The following SLC16A4 variants were observed in gnomAD, a reference collection of about 807,000 sequenced individuals.
SLC16A4 encodes the protein solute carrier family 16 member 4.
A neutral mutation model predicts 47.9 loss-of-function variants in SLC16A4; 39 were observed. The observed-to-expected ratio is 0.81, with a 90% CI of 0.63 to 1.06. SLC16A4 has a LOEUF of 1.06. Among genes scored for constraint, SLC16A4 ranks in the 50% least tolerant of loss-of-function variants. SLC16A4 has a pLI of 0.00. For synonymous variants in SLC16A4, 189 were observed against 199.9 expected (o/e 0.95, Z 0.46); for missense variants, 524 against 573.8 (o/e 0.91, Z 0.89).
intron 1 of SLC16A4, among the ~76,000 whole-genome samples, chr1:110,389,638 A>G (rs1216562629): frequency 6.6e-6 from 1 of 152,242 alleles, no homozygotes; most frequent in African/African-American, 2.4e-5. Context: ...TAGCAAAGAC[A>G]TGGAATCAAC....
rs1235129404 is a variant in SLC16A4 at position 110,389,122 on chromosome 1, C to T, written c.87+115G>A. The T allele has an allele frequency of 3.2e-6, 3 of 929,804 alleles. No individual in the cohort carries two copies. In the African/African-American group the frequency reaches 4.9e-5, roughly 15 times the overall value. The allele number at this position is 929,804 out of a possible 1,614,324, so 57.6% of individuals were successfully genotyped here. A position where few individuals can be genotyped will look rare whatever the true frequency, so the allele number is the denominator to read the frequency against. On this transcript the variant is annotated intron_variant, in intron 2 of 8. Coordinates refer to ENST00000369779, the MANE Select transcript of SLC16A4 (RefSeq NM_004696.3). ...CTCCTGGCCTTGTTCCTGCCCACCC[C>T]TCCACTCAGATGCCAAAGATTTCCT...
At position 110,390,672 on chromosome 1, in the gene SLC16A4, G is replaced by A. The variant is rs532233657; in HGVS notation, c.-33+193C>T. Among the ~76,000 whole-genome samples, 3 of 152,344 alleles carry A rather than the reference G, an allele frequency of 2.0e-5. No homozygotes were observed. In the South Asian group the frequency reaches 6.2e-4, roughly 32 times the overall value. On this transcript the variant is annotated intron_variant, in intron 1 of 8. Transcript: ENST00000369779. ...TAAAGAATGATAGCAAAAAGAAAAT[G>A]TAAATGTTCTGAGGAAGGGGGAACA...
intron 8 of SLC16A4, among the ~76,000 whole-genome samples, chr1:110,374,128 C>G (rs1661844467): frequency 6.6e-6 from 1 of 150,764 alleles, no homozygotes; most frequent in Non-Finnish European, 1.5e-5. Context: ...CAACCTCTGT[C>G]CCCCGGGTTC....
At chr1:110,387,313 A>G (rs545179384) in intron 2 of SLC16A4, among the ~76,000 whole-genome samples, 1 of 152,348 alleles carries the variant, frequency 6.6e-6, no homozygotes, top group East Asian at 1.9e-4. Context: ...ATACAAATAT[A>G]TAAAGTGTGG....
chr1:110,369,821 G>C (rs1181124451), intron 8 of SLC16A4, among the ~76,000 whole-genome samples: 1 of 152,154 alleles, frequency 6.6e-6, no homozygotes, highest in Non-Finnish European at 1.5e-5. Flanking sequence ...CTTTTACTTT[G>C]GGTGTATTGT....
At chr1:110,386,039 C>T (rs1035093270) in intron 2 of SLC16A4, among the ~76,000 whole-genome samples, 2 of 152,138 alleles carry the variant, frequency 1.3e-5, no homozygotes, top group South Asian at 4.1e-4. Flanking sequence ...GTTCTATGGA[C>T]GTGGGTTCTG....
intron 3 of SLC16A4, among the ~76,000 whole-genome samples, chr1:110,382,142 C>T (rs2101053028): frequency 6.6e-6 from 1 of 152,236 alleles, no homozygotes; most frequent in East Asian, 1.9e-4. Flanking sequence ...GTTACAGCTC[C>T]AAATAAAAGG....
rs899737701 is a variant in SLC16A4 at position 110,379,864 on chromosome 1, C to T, written c.527-508G>A. On this transcript the variant is annotated intron_variant, in intron 5 of 8. Coordinates refer to ENST00000369779, the MANE Select transcript of SLC16A4 (RefSeq NM_004696.3). ...TTGAGCCCAGGAGTTCAGGACCAGCCTGGGCAACATGGTGAAAACCTGTCT... is the reference window on the plus strand; with the variant it reads ...TTGAGCCCAGGAGTTCAGGACCAGCTTGGGCAACATGGTGAAAACCTGTCT... 3.0e-4 allele frequency: 45 copies of T among 152,536 alleles called. 1 individual carries two copies. The highest frequency in any genetic ancestry group is 5.7e-4 in the Non-Finnish European group (39 of 68,598). 9.4% of individuals were successfully genotyped at this position (152,536 alleles called of 1,614,324 possible).
rs1392267848 is a variant in SLC16A4 at position 110,389,327 on chromosome 1, GCCTCTT to G, written c.-10_-5del. 1 of 1,602,890 alleles carries G rather than the reference GCCTCTT, an allele frequency of 6.2e-7. No individual in the cohort carries two copies. Among genetic ancestry groups the G allele is most frequent in the African/African-American group, 1.3e-5 (1 of 74,720 alleles). On this transcript the variant is annotated 5_prime_UTR_variant, in exon 2 of 9. Coordinates refer to ENST00000369779, the MANE Select transcript of SLC16A4 (RefSeq NM_004696.3). ...CCTTCCCCTCCCTCTTCAGCATGAT[GCCTCTT>G]CTATTTTAAATGCAGAAGATCCCTG...
At chr1:110,375,599 A>G (rs936128989) in intron 7 of SLC16A4, 48 bp from the exon 8 acceptor site, 17 of 998,280 alleles carry the variant, frequency 1.7e-5, no homozygotes, top group East Asian at 4.8e-5. Context: ...GTGAAATTCT[A>G]TAGAGACCTA....
chr1:110,379,114 T>G lies in SLC16A4; in HGVS notation c.769A>C (p.Asn257His). The G allele has an allele frequency of 6.2e-7, 1 of 1,614,254 alleles. No homozygotes were observed. Among genetic ancestry groups the G allele is most frequent in the Non-Finnish European group, 8.5e-7 (1 of 1,180,038 alleles). The part of the protein sequence containing the change: ...LPSKNLTVSQ[N>H]QSEEFYNGPN... ...CCATTGTAGAACTCTTCACTTTGAT[T>G]TTGTGAGACTGTTAAATTTTTGCTA... Residue 257 changes from asparagine (N) to histidine (H), a missense_variant, in exon 6 of 9, where the codon AAT becomes CAT. Physicochemically the swap from Asn to His is moderately conservative, Grantham distance 68. Transcript: ENST00000369779.
chr1:110,381,561 T>C, intron 4 of SLC16A4, 91 bp downstream of exon 4: 1 of 1,306,072 alleles, frequency 7.7e-7, no homozygotes, highest in Non-Finnish European at 1.1e-6. Context: ...ACTCAAGCGA[T>C]CCACCCACTT....
chr1:110,386,440 G>T (rs1662738971), intron 2 of SLC16A4, among the ~76,000 whole-genome samples: 1 of 152,164 alleles, frequency 6.6e-6, no homozygotes, highest in African/African-American at 2.4e-5. Flanking sequence ...TGTTACCAGA[G>T]TCCACGTCAT....
intron 8 of SLC16A4, among the ~76,000 whole-genome samples, chr1:110,365,065 T>G (rs1661306831): frequency 6.6e-6 from 1 of 152,122 alleles, no homozygotes; most frequent in South Asian, 2.1e-4. Flanking sequence ...TCTGGGGGTC[T>G]GTTGACCTCA....
chr1:110,384,892 A>T (rs959112836), intron 2 of SLC16A4, among the ~76,000 whole-genome samples: 2 of 152,204 alleles, frequency 1.3e-5, no homozygotes, highest in African/African-American at 4.8e-5. Context: ...TAACACCTGT[A>T]GTCCCAGCTA....
At chr1:110,386,879 A>G (rs576213672) in intron 2 of SLC16A4, among the ~76,000 whole-genome samples, 4 of 152,218 alleles carry the variant, frequency 2.6e-5, no homozygotes, top group Non-Finnish European at 5.9e-5. Flanking sequence ...GCTCCACTGT[A>G]CTAGCTCTTA....
rs1210895574 is a variant in SLC16A4, at chr1:110,382,954, C to A, written c.100G>T (p.Val34Leu). The change falls in exon 3 of 9, where the codon GTG becomes TTG. Residue 34 changes from valine (V) to leucine (L), a missense_variant. Physicochemically the swap from Val to Leu is conservative, Grantham distance 32 (BLOSUM62 1). Transcript: ENST00000369779. ...VIHFFLVNVF[V>L]MGMTKTFAIF... ...GCAAAAGTCTTGGTCATCCCCATCA[C>A]AAACACATTCACCTAAATCAAAGCA... 6.2e-7 allele frequency: 1 copy of A among 1,609,090 alleles called. No homozygotes were observed. Among genetic ancestry groups the A allele is most frequent in the South Asian group, 1.1e-5 (1 of 90,566 alleles).
intron 4 of SLC16A4, 140 bp from the exon 5 acceptor site, chr1:110,381,283 CTT>C (rs1408509721): frequency 1.5e-6 from 1 of 667,104 alleles, no homozygotes; most frequent in Non-Finnish European, 2.6e-6. Flanking sequence ...CCTGTTCCAT[CTT>C]CTATCTTCTA....
At position 110,367,978 on chromosome 1, in the gene SLC16A4, G is replaced by A. The variant is rs547961629; in HGVS notation, c.1337-4085C>T. Among the ~76,000 whole-genome samples the A allele has an allele frequency of 3.9e-5, 6 of 152,062 alleles. No individual in the cohort carries two copies. The East Asian group carries it at 9.7e-4, about 25-fold the overall frequency. On this transcript the variant is annotated intron_variant, in intron 8 of 8. Coordinates refer to ENST00000369779, the MANE Select transcript of SLC16A4 (RefSeq NM_004696.3). ...CGAGTAGCTGGGACCATAGGCGTCC[G>A]CCACCGTGCCCGGCTAATTTTTTGT...
Sources: gnomAD v4.1 joint callset for allele counts (sites outside exome capture counted in the v4.1 genomes callset) on GRCh38, gnomAD v4.1.1 for gene constraint, MANE v1.5 for transcripts, NCBI Gene and HGNC (gene_info 2026-07-23, HGNC 2026-07-21) for gene names.